The following BZW2 variants were observed in gnomAD, a reference collection of about 807,000 sequenced individuals.
The protein encoded by BZW2 is eIF5-mimic protein 1.
In BZW2, 23 loss-of-function variants were observed where a neutral mutation model predicts 53.2. The observed-to-expected ratio is 0.43, with a 90% CI of 0.31 to 0.61. The LOEUF (loss-of-function observed/expected upper bound fraction) is 0.61. BZW2 is among the 20% of genes least tolerant of loss of function. BZW2 has a pLI of 0.09. For synonymous variants in BZW2, 227 were observed against 186.4 expected, an observed-to-expected ratio of 1.22 and a Z score of -1.77; for missense variants, 409 against 503.1, an observed-to-expected ratio of 0.81 and a Z score of 1.79.
Position 16,674,447 on chromosome 7 carries a change from G to T in BZW2, c.94G>T (p.Asp32Tyr). 1 of 1,610,058 alleles carries T rather than the reference G, an allele frequency of 6.2e-7. No individual in the cohort carries two copies. The highest frequency in any genetic ancestry group is 1.1e-5 in the South Asian group (1 of 90,414). The change falls in exon 3 of 12, where the codon GAT (aspartate) becomes TAT (tyrosine). Residue 32 changes from aspartate to tyrosine, a missense_variant. Asp to Tyr is a radical substitution (Grantham distance 160). Transcript: ENST00000258761. ...KEKFEPTVFR[D>Y]TLVQGLNEAG... ...GAAATTCGAACCCACAGTCTTCAGG[G>T]ATACACTTGTCCAGGGGCTTAATGA...
chr7:16,690,874 T>C (rs1583743452), intron 7 of BZW2, among the ~76,000 whole-genome samples: 2 of 152,206 alleles, frequency 1.3e-5, no homozygotes, highest in Admixed American at 1.3e-4. Context: ...CCAGGTGGAA[T>C]TGCTTTTACA....
At chr7:16,694,763 A>G in intron 7 of BZW2, 71 bp from the exon 8 acceptor site, 1 of 1,235,420 alleles carries the variant, frequency 8.1e-7, no homozygotes, top group South Asian at 2.5e-5. Context: ...AGTGAAATGA[A>G]GACTTTTGTC....
At chr7:16,656,340 T>C (rs1041520876) in intron 1 of BZW2, among the ~76,000 whole-genome samples, 1 of 152,102 alleles carries the variant, frequency 6.6e-6, no homozygotes, top group African/African-American at 2.4e-5. Flanking sequence ...TGATTAGCTA[T>C]TCAGGTCATG....
chr7:16,693,082 A>G (rs1351137475), intron 7 of BZW2, among the ~76,000 whole-genome samples: 1 of 152,056 alleles, frequency 6.6e-6, no homozygotes, highest in Non-Finnish European at 1.5e-5. Flanking sequence ...AAGATAGAAA[A>G]CTTTTGGAAA....
At chr7:16,650,192 C>T (rs1046831510) in intron 1 of BZW2, among the ~76,000 whole-genome samples, 2 of 152,052 alleles carry the variant, frequency 1.3e-5, no homozygotes, top group African/African-American at 4.8e-5. Context: ...TTTAACTTCT[C>T]CAAAAAGTAA....
chr7:16,647,241 C>A (rs962599234), intron 1 of BZW2, among the ~76,000 whole-genome samples: 1 of 152,150 alleles, frequency 6.6e-6, no homozygotes, highest in African/African-American at 2.4e-5. Context: ...TGTTGTTTCC[C>A]TACAGAGTAG....
At position 16,667,894 on chromosome 7, in the gene BZW2, C is replaced by G. The variant is rs576556591; in HGVS notation, c.58+2393C>G. On this transcript the variant is annotated intron_variant, in intron 2 of 11. Coordinates refer to ENST00000258761, the MANE Select transcript of BZW2 (RefSeq NM_014038.3). ...ACAAATTGTGCCCCACTACATTGCC[C>G]CTTGCCATCTGGAAGCAGATATCAA... Among the ~76,000 whole-genome samples the G allele has an allele frequency of 3.0e-4, 45 of 152,316 alleles. No homozygotes were observed. In the South Asian group the frequency reaches 9.3e-3, roughly 32 times the overall value.
intron 8 of BZW2, 24 bp from the exon 9 acceptor site, chr7:16,696,891 T>C: frequency 6.8e-6 from 11 of 1,613,596 alleles, no homozygotes; most frequent in Non-Finnish European, 9.3e-6. Context: ...TGTTACTTTC[T>C]GACCCCATTT....
intron 1 of BZW2, among the ~76,000 whole-genome samples, chr7:16,660,666 G>A (rs557021133): frequency 5.3e-5 from 8 of 152,142 alleles, no homozygotes; most frequent in African/African-American, 1.7e-4. Context: ...GTAACCATTA[G>A]CCACACTGTT....
In BZW2 at chr7:16,647,146, CGGGAA is replaced by C. The variant is rs1366237861; in HGVS notation, c.-8+859_-8+863del. Among the ~76,000 whole-genome samples the C allele has an allele frequency of 5.3e-5, 8 of 152,132 alleles. 1 individual carries two copies. The highest frequency in any genetic ancestry group is 1.3e-4 in the Admixed American group (2 of 15,284). ...AGAATAAGATTTGCTTGCTAAAATGCGGGAATCAGTCATTTCTCCAGGGTGCAGAT... is the reference window on the plus strand; with the variant it reads ...AGAATAAGATTTGCTTGCTAAAATGCTCAGTCATTTCTCCAGGGTGCAGAT... On this transcript the variant is annotated intron_variant, in intron 1 of 11. Transcript: ENST00000258761.
At chr7:16,646,458 G>C (rs1781864407) in intron 1 of BZW2, among the ~76,000 whole-genome samples, 170 bp downstream of exon 1, 1 of 152,170 alleles carries the variant, frequency 6.6e-6, no homozygotes, top group Admixed American at 6.5e-5. Context: ...TCATCATCAC[G>C]GCGCGTACGG....
At chr7:16,678,816 T>C (rs955702330) in intron 3 of BZW2, among the ~76,000 whole-genome samples, 21 of 151,874 alleles carry the variant, frequency 1.4e-4, no homozygotes, top group Non-Finnish European at 2.5e-4. Context: ...TACAGCTGGG[T>C]CTCGGGGGGT....
chr7:16,651,026 T>A (rs1221107314), intron 1 of BZW2, among the ~76,000 whole-genome samples: 4 of 152,180 alleles, frequency 2.6e-5, no homozygotes, highest in African/African-American at 9.7e-5. Flanking sequence ...TTTAAGTTTA[T>A]TCAAAAATTA....
At chr7:16,705,144 G>T (rs6979331) in intron 11 of BZW2, among the ~76,000 whole-genome samples, 1 of 151,390 alleles carries the variant, frequency 6.6e-6, no homozygotes, top group Admixed American at 6.6e-5. Context: ...ATCACCTGAG[G>T]TCAGGAGTTT....
intron 1 of BZW2, among the ~76,000 whole-genome samples, chr7:16,655,233 A>G (rs1782093601): frequency 6.6e-6 from 1 of 152,246 alleles, no homozygotes; most frequent in Admixed American, 6.5e-5. Flanking sequence ...AAATTCTAAA[A>G]AAAGTTTCAT....
At chr7:16,651,571 A>G (rs1376597983) in intron 1 of BZW2, among the ~76,000 whole-genome samples, 1 of 152,218 alleles carries the variant, frequency 6.6e-6, no homozygotes, top group Admixed American at 6.5e-5. Flanking sequence ...GTGCAGAGGA[A>G]ACTGCTGGCT....
chr7:16,673,814 G>A (rs796689037), intron 2 of BZW2, among the ~76,000 whole-genome samples: 38 of 152,182 alleles, frequency 2.5e-4, no homozygotes, highest in African/African-American at 8.9e-4. Context: ...AAAAAGTTTA[G>A]CACATCTGTC....
chr7:16,652,872 A>G (rs1232041661), intron 1 of BZW2, among the ~76,000 whole-genome samples: 1 of 152,144 alleles, frequency 6.6e-6, no homozygotes, highest in East Asian at 1.9e-4. Flanking sequence ...GCTCTGTACT[A>G]GTTCTTTTTT....
chr7:16,682,936 G>A (rs897534135), intron 5 of BZW2, 91 bp downstream of exon 5: 16 of 789,438 alleles, frequency 2.0e-5, no homozygotes, highest in East Asian at 6.7e-5. Flanking sequence ...GGTGGCTCAC[G>A]CCTGTAATCC....
Sources: gnomAD v4.1 joint callset for allele counts (sites outside exome capture counted in the v4.1 genomes callset) on GRCh38, gnomAD v4.1.1 for gene constraint, MANE v1.5 for transcripts, NCBI Gene and HGNC (gene_info 2026-07-23, HGNC 2026-07-21) for gene names.